CLTCL1: variants seen among roughly 807,000 people sequenced by gnomAD.
CLTCL1 encodes clathrin heavy chain like 1.
CLTCL1 carries 159 observed loss-of-function variants against 190.0 expected under a neutral mutation model. That is an observed-to-expected ratio of 0.84 (90% confidence interval 0.74 to 0.95). The LOEUF is 0.95. CLTCL1 is among the 40% of genes least tolerant of loss of function. The pLI, the probability that CLTCL1 is intolerant of heterozygous loss-of-function variation, is 0.00. For missense variants in CLTCL1, 1,878 were observed against 2,033.4 expected, an observed-to-expected ratio of 0.92 and a Z score of 1.47; for synonymous variants, 752 against 769.6, an observed-to-expected ratio of 0.98 and a Z score of 0.38.
chr22:19,291,248 G>A (rs782559295), intron 1 of CLTCL1, among the ~76,000 whole-genome samples: 6 of 152,346 alleles, frequency 3.9e-5, no homozygotes, highest in South Asian at 2.1e-4. Flanking sequence ...CGCCAAGGAG[G>A]GGCGTGGAGC....
intron 2 of CLTCL1, among the ~76,000 whole-genome samples, chr22:19,270,568 A>C (rs2518861): frequency 0.059 from 8,929 of 151,862 alleles, 324 homozygotes; most frequent in Middle Eastern, 0.16. Context: ...TCTACTAAAA[A>C]TACAAAAAAT....
chr22:19,261,115 A>AT lies in CLTCL1; in HGVS notation c.251-6889dup, dbSNP rs112343917. 5.0e-3 allele frequency among the ~76,000 whole-genome samples: 716 copies of AT among 143,688 alleles called. 2 individuals carry two copies. The highest frequency in any genetic ancestry group is 9.0e-3 in the Admixed American group (129 of 14,264). The allele number at this position is 143,688 out of a possible 152,430, so 94.3% of individuals were successfully genotyped here. The stretch of plus-strand genomic sequence containing the variant: ...TCAAGTCTTATTATTTAAGAAATGC[A>AT]TTTTTTTTTTTTTTGAGACGGAGTC... On this transcript the variant is annotated intron_variant, in intron 2 of 32. Coordinates refer to ENST00000427926, the MANE Select transcript of CLTCL1 (RefSeq NM_007098.4).
chr22:19,197,043 G>A (rs782625718), intron 24 of CLTCL1, among the ~76,000 whole-genome samples: 5 of 152,086 alleles, frequency 3.3e-5, no homozygotes, highest in African/African-American at 9.7e-5. Context: ...CTCCACTCAC[G>A]ATGCCACGTG....
chr22:19,193,053 C>T (rs1350906437), intron 26 of CLTCL1, among the ~76,000 whole-genome samples: 3 of 152,196 alleles, frequency 2.0e-5, no homozygotes, highest in Admixed American at 6.5e-5. Context: ...CGAATCACCT[C>T]CTCAAAGCCC....
chr22:19,252,172 C>G (rs1303730493), intron 3 of CLTCL1, among the ~76,000 whole-genome samples: 2 of 152,184 alleles, frequency 1.3e-5, no homozygotes, highest in Non-Finnish European at 2.9e-5. Context: ...AACTAGTCTC[C>G]TGGCCTCCAG....
At chr22:19,257,893 G>C in intron 2 of CLTCL1, 1 of 1,369,014 alleles carries the variant, frequency 7.3e-7, no homozygotes, top group South Asian at 1.1e-5. Flanking sequence ...CCCCAGGTCA[G>C]AGACTGGGCC....
At chr22:19,236,036 T>A (rs1326060326) in intron 5 of CLTCL1, among the ~76,000 whole-genome samples, 167 bp from the exon 6 acceptor site, 4 of 152,192 alleles carry the variant, frequency 2.6e-5, no homozygotes, top group Admixed American at 2.6e-4. Context: ...CATAGCTCAC[T>A]GCAACTTCCG....
Position 19,240,365 on chromosome 22 carries a change from C to T in CLTCL1, c.682-977G>A, listed in dbSNP as rs2086215256. Among the ~76,000 whole-genome samples, 4 of 152,026 alleles carry T rather than the reference C, an allele frequency of 2.6e-5. No individual in the cohort carries two copies. The South Asian group carries it at 8.3e-4, about 32-fold the overall frequency. On this transcript the variant is annotated intron_variant, in intron 4 of 32. Coordinates refer to ENST00000427926, the MANE Select transcript of CLTCL1 (RefSeq NM_007098.4). ...CACAAAACAAGGGCGGGAGGCTGGG[C>T]TTAGAGGACACAGACAAGGGTGTCT...
rs1214736775 is a variant in CLTCL1 at position 19,187,733 on chromosome 22, G to T, written c.4435-5C>A. 1.7e-5 allele frequency: 28 copies of T among 1,612,504 alleles called. No homozygotes were observed. Among genetic ancestry groups the T allele is most frequent in the Non-Finnish European group, 8.5e-6 (10 of 1,179,018 alleles). On this transcript the variant is annotated splice_polypyrimidine_tract_variant and splice_region_variant and intron_variant, in intron 28 of 32. Coordinates refer to ENST00000427926, the MANE Select transcript of CLTCL1 (RefSeq NM_007098.4). Reference sequence around the variant, plus strand: ...ATCGATAGATGCCCTTAAGCCCTAGGAAGACAGCCTTTCTGTGAGGGATGG... The same window carrying T: ...ATCGATAGATGCCCTTAAGCCCTAGTAAGACAGCCTTTCTGTGAGGGATGG...
intron 3 of CLTCL1, among the ~76,000 whole-genome samples, chr22:19,251,393 T>C (rs782091839): frequency 6.6e-6 from 1 of 152,230 alleles, no homozygotes; most frequent in East Asian, 1.9e-4. Flanking sequence ...GATTTCCATA[T>C]ACAAGCTTAT....
At chr22:19,208,130 C>T in intron 22 of CLTCL1, 24 bp downstream of exon 22, 1 of 1,613,570 alleles carries the variant, frequency 6.2e-7, no homozygotes, top group African/African-American at 1.3e-5. Context: ...TGGCAGTGCA[C>T]AGCCCCCAGG....
Position 19,226,367 on chromosome 22 carries a change from A to T in CLTCL1, c.1799T>A (p.Leu600His). Residue 600 changes from leucine to histidine, a missense_variant, in exon 12 of 33, where the codon CTT becomes CAT. Coordinates refer to ENST00000427926, the MANE Select transcript of CLTCL1 (RefSeq NM_007098.4). ...GTAATGAGTAAACATTTTATTTCCA[A>T]GGATGGCATCTGCAACCTATGAAAC... is the stretch of plus-strand genomic sequence containing the variant. ...VHAPQVADAI[L>H]GNKMFTHYDR... 6.2e-7 allele frequency: 1 copy of T among 1,614,026 alleles called. No individual in the cohort carries two copies. The highest frequency in any genetic ancestry group is 1.1e-5 in the South Asian group (1 of 91,084).
intron 3 of CLTCL1, among the ~76,000 whole-genome samples, chr22:19,246,712 G>T (rs554687737): frequency 6.6e-6 from 1 of 152,208 alleles, no homozygotes; most frequent in South Asian, 2.1e-4. Context: ...CTGACCTCAG[G>T]GCCAACACTT....
At chr22:19,214,444 CTTT>C (rs1555948533) in intron 19 of CLTCL1, among the ~76,000 whole-genome samples, 1 of 152,094 alleles carries the variant, frequency 6.6e-6, no homozygotes, top group African/African-American at 2.4e-5. Context: ...TTGTGTTTGT[CTTT>C]TATTACAACT....
At chr22:19,253,329 C>T (rs2086655357) in intron 3 of CLTCL1, among the ~76,000 whole-genome samples, 1 of 152,102 alleles carries the variant, frequency 6.6e-6, no homozygotes, top group South Asian at 2.1e-4. Context: ...CAAGGACAGG[C>T]CAGCTGACCG....
In CLTCL1 at chr22:19,221,934, A is replaced by T; in HGVS notation, c.2561+17T>A. 1 of 1,613,130 alleles carries T rather than the reference A, an allele frequency of 6.2e-7. No homozygotes were observed. The highest frequency in any genetic ancestry group is 8.5e-7 in the Non-Finnish European group (1 of 1,179,450). ...GAATCCAGGGGTAAGAGAAAACACC[A>T]AGTAAGGACACCTTACCTATTTCTT... On this transcript the variant is annotated intron_variant, in intron 16 of 32. Transcript: ENST00000427926.
intron 26 of CLTCL1, among the ~76,000 whole-genome samples, chr22:19,195,518 C>T (rs781860783): frequency 2.9e-5 from 4 of 136,824 alleles, no homozygotes; most frequent in Non-Finnish European, 6.2e-5. Flanking sequence ...CTGTGCCACT[C>T]CAGTCACAAG....
At chr22:19,187,816 T>C (rs889520125) in intron 28 of CLTCL1, 88 bp from the exon 29 acceptor site, 1 of 1,437,680 alleles carries the variant, frequency 7.0e-7, no homozygotes, top group Non-Finnish European at 9.7e-7. Context: ...TTGATGGCTG[T>C]TGCTATCAGC....
chr22:19,219,478 C>A (rs1189238326), intron 18 of CLTCL1, among the ~76,000 whole-genome samples: 1 of 147,216 alleles, frequency 6.8e-6, no homozygotes, highest in Non-Finnish European at 1.5e-5. Context: ...AGCCACCATG[C>A]CTGGCCTATT....
Sources: allele counts gnomAD v4.1 joint callset (sites outside exome capture counted in the v4.1 genomes callset), GRCh38; gene constraint gnomAD v4.1.1; transcripts MANE v1.5; gene names NCBI Gene and HGNC (gene_info 2026-07-23, HGNC 2026-07-21).